The following FGF14 variants were observed in gnomAD, a reference collection of about 807,000 sequenced individuals.
The protein encoded by FGF14 is fibroblast growth factor homologous factor 4.
Under a neutral mutation model 25.5 loss-of-function variants are expected in FGF14, and 5 were observed. The observed-to-expected ratio is 0.20, with a 90% confidence interval of 0.10 to 0.41. The LOEUF (loss-of-function observed/expected upper bound fraction) is 0.41, where lower values mean the gene tolerates loss of function less well. Ranked by LOEUF, FGF14 falls within the 10% of genes least tolerant of loss-of-function variation. The pLI, the probability that FGF14 is intolerant of heterozygous loss-of-function variation, is 1.00. For missense variants in FGF14, 222 were observed against 320.1 expected (o/e 0.69, Z 2.34); for synonymous variants, 138 against 118.3 (o/e 1.17, Z -1.08).
chr13:101,880,150 C>A (rs2045621696), intron 1 of FGF14, among the ~76,000 whole-genome samples: 1 of 152,186 alleles, frequency 6.6e-6, no homozygotes, highest in Non-Finnish European at 1.5e-5. Context: ...CTCACGGTCC[C>A]ATTCCAATGT....
chr13:101,881,836 C>T (rs2045727203), intron 1 of FGF14, among the ~76,000 whole-genome samples: 1 of 152,140 alleles, frequency 6.6e-6, no homozygotes, highest in Non-Finnish European at 1.5e-5. Context: ...TCTTCAGACT[C>T]CTTGTTAATA....
rs189406726 is a variant in FGF14, at chr13:102,320,538, T to C, written c.208+80933A>G. On this transcript the variant is annotated intron_variant, in intron 1 of 4. Transcript: ENST00000376131. Reference sequence around the variant, plus strand: ...ATTTCCTCTTCAGTGTTCTTTTTCATTCCCATTTCCTCCTGTTTTGGAGAC... The same window carrying C: ...ATTTCCTCTTCAGTGTTCTTTTTCACTCCCATTTCCTCCTGTTTTGGAGAC... 4.7e-4 allele frequency among the ~76,000 whole-genome samples: 72 copies of C among 152,282 alleles called. 1 individual carries two copies. The East Asian group carries it at 0.011, about 24-fold the overall frequency.
At chr13:102,047,005 T>C (rs1001600536) in intron 1 of FGF14, among the ~76,000 whole-genome samples, 2 of 152,200 alleles carry the variant, frequency 1.3e-5, no homozygotes, top group African/African-American at 4.8e-5. Flanking sequence ...CACAAAATTG[T>C]TGTGTGTTAT....
At chr13:101,886,035 A>T (rs1296065312) in intron 1 of FGF14, among the ~76,000 whole-genome samples, 2 of 152,166 alleles carry the variant, frequency 1.3e-5, no homozygotes, top group Non-Finnish European at 2.9e-5. Flanking sequence ...TCCTCCTTTA[A>T]TTTCAGCTCT....
At chr13:102,314,044 G>A (rs1234335680) in intron 1 of FGF14, among the ~76,000 whole-genome samples, 1 of 152,158 alleles carries the variant, frequency 6.6e-6, no homozygotes, top group Non-Finnish European at 1.5e-5. Flanking sequence ...TTAAGAAAAT[G>A]CACCTCACTA....
At chr13:101,944,762 T>G (rs1057295840) in intron 1 of FGF14, among the ~76,000 whole-genome samples, 1 of 152,210 alleles carries the variant, frequency 6.6e-6, no homozygotes, top group Non-Finnish European at 1.5e-5. Context: ...GAGGACATTA[T>G]GCTAAGTGGA....
chr13:102,095,193 A>G (rs1163303902), intron 1 of FGF14, among the ~76,000 whole-genome samples: 3 of 152,164 alleles, frequency 2.0e-5, no homozygotes, highest in Non-Finnish European at 4.4e-5. Context: ...AAATTATTTA[A>G]AATATTGTGG....
At chr13:101,939,979 C>G (rs1402609095) in intron 1 of FGF14, among the ~76,000 whole-genome samples, 2 of 152,192 alleles carry the variant, frequency 1.3e-5, no homozygotes, top group Non-Finnish European at 2.9e-5. Flanking sequence ...TTACAACAGA[C>G]AGAACAAGGT....
At chr13:102,161,177 C>T (rs988903369) in intron 1 of FGF14, among the ~76,000 whole-genome samples, 2 of 151,832 alleles carry the variant, frequency 1.3e-5, no homozygotes, top group Non-Finnish European at 2.9e-5. Context: ...GTATCAGGTA[C>T]TAAGTAAACA....
chr13:101,947,031 T>C (rs191257460), intron 1 of FGF14, among the ~76,000 whole-genome samples: 1 of 152,202 alleles, frequency 6.6e-6, no homozygotes. Flanking sequence ...TAACATGAGT[T>C]GTTTCTGACA....
chr13:102,373,024 C>T (rs2057934309), intron 1 of FGF14, among the ~76,000 whole-genome samples: 1 of 152,118 alleles, frequency 6.6e-6, no homozygotes, highest in South Asian at 2.1e-4. Context: ...CTTAGAACTA[C>T]TTAAATATTT....
At chr13:102,324,780 A>C (rs1477865173) in intron 1 of FGF14, among the ~76,000 whole-genome samples, 1 of 152,210 alleles carries the variant, frequency 6.6e-6, no homozygotes, top group Non-Finnish European at 1.5e-5. Context: ...TTCTCTATTA[A>C]AGACAGATAT....
chr13:102,291,862 G>A (rs1446818490), intron 1 of FGF14, among the ~76,000 whole-genome samples: 1 of 152,104 alleles, frequency 6.6e-6, no homozygotes. Context: ...ATCACTTATT[G>A]TAGGACCCCA....
At chr13:102,251,826 C>T (rs1229529424) in intron 1 of FGF14, among the ~76,000 whole-genome samples, 3 of 152,192 alleles carry the variant, frequency 2.0e-5, no homozygotes, top group Non-Finnish European at 2.9e-5. Context: ...TCCACCAAGC[C>T]TCATCCAATC....
intron 1 of FGF14, among the ~76,000 whole-genome samples, chr13:101,979,520 C>T (rs1400085071): frequency 3.3e-5 from 5 of 152,154 alleles, no homozygotes; most frequent in Non-Finnish European, 5.9e-5. Context: ...TTCCCCTGGG[C>T]ACCATGATTT....
chr13:102,381,597 T>A (rs1362810440), intron 1 of FGF14, among the ~76,000 whole-genome samples: 2 of 152,198 alleles, frequency 1.3e-5, no homozygotes, highest in African/African-American at 2.4e-5. Flanking sequence ...GGAATTTTGT[T>A]ATAGCAGCCG....
chr13:102,091,974 T>C (rs963662890), intron 1 of FGF14, among the ~76,000 whole-genome samples: 22 of 152,194 alleles, frequency 1.4e-4, no homozygotes, highest in Non-Finnish European at 1.9e-4. Context: ...TATTGGACAT[T>C]TGAAATAAGG....
At chr13:101,753,734 C>T (rs966117404) in intron 3 of FGF14, among the ~76,000 whole-genome samples, 1 of 151,094 alleles carries the variant, frequency 6.6e-6, no homozygotes, top group Non-Finnish European at 1.5e-5. Flanking sequence ...ACCCGGGAGA[C>T]GCAGGTTGCA....
intron 1 of FGF14, among the ~76,000 whole-genome samples, chr13:102,301,523 T>C (rs929107974): frequency 6.6e-6 from 1 of 152,120 alleles, no homozygotes; most frequent in African/African-American, 2.4e-5. Flanking sequence ...GGAGGTGGAT[T>C]ATAGTCCATG....
Sources: allele counts gnomAD v4.1 joint callset (sites outside exome capture counted in the v4.1 genomes callset), GRCh38; gene constraint gnomAD v4.1.1; transcripts MANE v1.5; gene names NCBI Gene and HGNC (gene_info 2026-07-23, HGNC 2026-07-21).